LGI2: variants seen among roughly 807,000 people sequenced by gnomAD.
LGI2 encodes leucine rich repeat LGI family member 2.
LGI2 carries 30 observed loss-of-function variants against 52.0 expected under a neutral mutation model. The observed-to-expected ratio is 0.58, with a 90% CI of 0.43 to 0.78. The LOEUF (loss-of-function observed/expected upper bound fraction) is 0.78, where lower values mean the gene tolerates loss of function less well. Among genes scored for constraint, LGI2 ranks in the 30% least tolerant of loss-of-function variants. The probability of loss-of-function intolerance (pLI) is 0.00; values close to 1 mark genes in which losing one functional copy is unlikely to be tolerated. For synonymous variants in LGI2, 270 were observed against 271.8 expected (o/e 0.99, Z 0.06); for missense variants, 573 against 692.5 (o/e 0.83, Z 1.94).
Position 25,012,486 on chromosome 4 carries a change from A to G in LGI2, c.669T>C (p.His223=), listed in dbSNP as rs558001190. 2.7e-5 allele frequency: 44 copies of G among 1,613,786 alleles called. No individual in the cohort carries two copies. In the African/African-American group the frequency reaches 5.6e-4, roughly 21 times the overall value. ...AAACCGACTGGTAGGGTAAAGTCTGATGAACAACAAAATCTGGGGATGGGT... is the reference window on the plus strand; with the variant it reads ...AAACCGACTGGTAGGGTAAAGTCTGGTGAACAACAAAATCTGGGGATGGGT... ...YECTTTDFVV[H]QTLPYQSVSV... Residue 223 remains histidine (H), a synonymous_variant, in exon 7 of 8, where the codon CAT becomes CAC. Coordinates refer to ENST00000382114, the MANE Select transcript of LGI2 (RefSeq NM_018176.4).
intron 4 of LGI2, among the ~76,000 whole-genome samples, chr4:25,023,290 C>T (rs530551335): frequency 1.3e-5 from 2 of 152,140 alleles, no homozygotes; most frequent in Non-Finnish European, 2.9e-5. Context: ...CCTATCCAAG[C>T]CTATACGACT....
At chr4:24,997,246 A>G (rs1725107172), downstream of LGI2, among the ~76,000 whole-genome samples, 1 of 152,200 alleles carries the variant, frequency 6.6e-6, no homozygotes, top group South Asian at 2.1e-4. Flanking sequence ...TATGCCTCCA[A>G]TTCTTCTCAG....
Position 24,999,103 on chromosome 4 carries a change from C to G in LGI2, c.*4348G>C, listed in dbSNP as rs1289958581. 1.3e-5 allele frequency: 2 copies of G among 152,078 alleles called. No homozygotes were observed. The highest frequency in any genetic ancestry group is 2.9e-5 in the Non-Finnish European group (2 of 68,012). 9.4% of individuals were successfully genotyped at this position (152,078 alleles called of 1,614,324 possible). A position where few individuals can be genotyped will look rare whatever the true frequency, so the allele number is the denominator to read the frequency against. On this transcript the variant is annotated 3_prime_UTR_variant, in exon 8 of 8. Coordinates refer to ENST00000382114, the MANE Select transcript of LGI2 (RefSeq NM_018176.4). ...TATTTTATCACAATTCTTATACATT[C>G]CTGATAATCAAAGGGACTGATAGGG...
chr4:25,030,351 T>C (rs1204006145), intron 1 of LGI2, 146 bp downstream of exon 1: 4 of 834,150 alleles, frequency 4.8e-6, no homozygotes, highest in Admixed American at 5.5e-5. Context: ...GGGCCAACAC[T>C]CCACCCACGT....
At chr4:25,017,078 G>A (rs1485860464) in intron 6 of LGI2, among the ~76,000 whole-genome samples, 1 of 152,194 alleles carries the variant, frequency 6.6e-6, no homozygotes, top group African/African-American at 2.4e-5. Flanking sequence ...CTGAAAGTTT[G>A]TGGCAGGCCC....
At chr4:25,023,874 AC>A (rs1726057646) in intron 4 of LGI2, among the ~76,000 whole-genome samples, 1 of 152,240 alleles carries the variant, frequency 6.6e-6, no homozygotes, top group African/African-American at 2.4e-5. Flanking sequence ...TAAATTTTAT[AC>A]ATTTGCTAAG....
chr4:25,007,577 CAGTGTGT>C (rs1321887103), intron 7 of LGI2, among the ~76,000 whole-genome samples: 19 of 108,858 alleles, frequency 1.7e-4, no homozygotes, highest in African/African-American at 7.8e-4. Context: ...GCAGACAGAT[CAGTGTGT>C]GTGTGTGTGT....
Position 25,003,547 on chromosome 4 carries a change from T to C in LGI2, c.1542A>G (p.Thr514=). 1 of 1,614,114 alleles carries C rather than the reference T, an allele frequency of 6.2e-7. No individual in the cohort carries two copies. The highest frequency in any genetic ancestry group is 8.5e-7 in the Non-Finnish European group (1 of 1,179,988). ...AATCTCTCCTGTCGGTGGAGACAGC[T>C]GTGAATGAACGAGGCGCCTGCACGT... ...EIYVQAPRSF[T]AVSTDRRDFF... is the part of the protein sequence containing the mutation. Residue 514 remains threonine, a synonymous_variant, in exon 8 of 8, where the codon ACA becomes ACG. Transcript: ENST00000382114.
At chr4:24,997,866 G>A (rs566597645), downstream of LGI2, among the ~76,000 whole-genome samples, 1 of 150,956 alleles carries the variant, frequency 6.6e-6, no homozygotes, top group East Asian at 2.0e-4. Flanking sequence ...GTCACACGCT[G>A]TTTTGTGATG....
intron 6 of LGI2, 144 bp from the exon 7 acceptor site, chr4:25,012,643 C>G (rs997832620): frequency 1.3e-6 from 1 of 796,054 alleles, no homozygotes; most frequent in Non-Finnish European, 2.0e-6. Flanking sequence ...ACAAACATCA[C>G]AGCGTATTTT....
chr4:25,030,767 G>T lies in LGI2; in HGVS notation c.-74C>A. 2.3e-6 allele frequency: 2 copies of T among 876,938 alleles called. No individual in the cohort carries two copies. The highest frequency in any genetic ancestry group is 5.1e-5 in the South Asian group (1 of 19,566). The allele number at this position is 876,938 out of a possible 1,614,324, so 54.3% of individuals were successfully genotyped here. On this transcript the variant is annotated 5_prime_UTR_variant, in exon 1 of 8. It adds an upstream start codon to the 5' untranslated region. Coordinates refer to ENST00000382114, the MANE Select transcript of LGI2 (RefSeq NM_018176.4). ...CGCGCTCGGACCCGGCGCCGCTGCA[G>T]ACGCGGGCGCCGCTCGCTGCTCTGC...
chr4:25,002,695 A>G lies in LGI2; in HGVS notation c.*756T>C, dbSNP rs1725282974. On this transcript the variant is annotated 3_prime_UTR_variant, in exon 8 of 8. Coordinates refer to ENST00000382114, the MANE Select transcript of LGI2 (RefSeq NM_018176.4). ...GATGAGCCATGAAGAGCATCAAACA[A>G]GCATTACTGCTCTGGCCACCACCAG... The G allele has an allele frequency of 6.5e-6, 1 of 152,796 alleles. No individual in the cohort carries two copies. Among genetic ancestry groups the G allele is most frequent in the Non-Finnish European group, 1.5e-5 (1 of 68,058 alleles). 9.5% of individuals were successfully genotyped at this position (152,796 alleles called of 1,614,324 possible).
At chr4:25,009,226 G>A (rs985953244) in intron 7 of LGI2, among the ~76,000 whole-genome samples, 1 of 152,156 alleles carries the variant, frequency 6.6e-6, no homozygotes, top group African/African-American at 2.4e-5. Flanking sequence ...CTCATCAACT[G>A]CAACTCCCCG....
chr4:24,992,828 C>T, the LGI2 span, among the ~76,000 whole-genome samples: 2 of 152,186 alleles, frequency 1.3e-5, no homozygotes, highest in African/African-American at 2.4e-5. Context: ...TCCACATGCT[C>T]TCCTTGAAAT....
chr4:25,020,950 G>A (rs751460352), intron 4 of LGI2, among the ~76,000 whole-genome samples: 1 of 152,066 alleles, frequency 6.6e-6, no homozygotes, highest in Non-Finnish European at 1.5e-5. Flanking sequence ...TTTTAAAAGG[G>A]GGGTGTTCAT....
chr4:25,008,052 C>G (rs542988203), intron 7 of LGI2, among the ~76,000 whole-genome samples: 8 of 152,320 alleles, frequency 5.3e-5, no homozygotes, highest in Admixed American at 2.6e-4. Context: ...AGGCTCAATG[C>G]CAGCAACCGA....
chr4:25,003,720 G>C lies in LGI2; in HGVS notation c.1369C>G (p.Gln457Glu). The C allele has an allele frequency of 1.9e-6, 3 of 1,614,144 alleles. 1 individual carries two copies. The South Asian group carries it at 3.3e-5, about 18-fold the overall frequency. The change falls in exon 8 of 8, where the codon CAA becomes GAA. Residue 457 changes from glutamine (Q) to glutamate (E), a missense_variant. Gln to Glu is a conservative substitution (Grantham distance 29). Transcript: ENST00000382114. ...RWNSKQFVEI[Q>E]ALPSRGAMTL... ...ATGGCCCCCCGGGATGGAAGAGCTTGGATCTCCACAAACTGCTTACTGTTC... is the reference window on the plus strand; with the variant it reads ...ATGGCCCCCCGGGATGGAAGAGCTTCGATCTCCACAAACTGCTTACTGTTC...
chr4:25,013,755 A>G (rs183387036), intron 6 of LGI2, among the ~76,000 whole-genome samples: 58 of 152,376 alleles, frequency 3.8e-4, no homozygotes, highest in Admixed American at 9.1e-4. Flanking sequence ...CAACAATGAT[A>G]GTATTCAGTT....
chr4:25,030,851 G>A lies in LGI2; in HGVS notation c.-158C>T, dbSNP rs903480695. On this transcript the variant is annotated 5_prime_UTR_variant, in exon 1 of 8. Coordinates refer to ENST00000382114, the MANE Select transcript of LGI2 (RefSeq NM_018176.4). The stretch of plus-strand genomic sequence containing the variant: ...GGGTGTGGGAGGCCGAGCCGCAGCC[G>A]AGCAGCATGCTGGCCGCCACCCCCA... The A allele has an allele frequency of 4.2e-5, 10 of 240,148 alleles. No individual in the cohort carries two copies. Among genetic ancestry groups the A allele is most frequent in the East Asian group, 1.7e-4 (1 of 5,882 alleles). 14.9% of individuals were successfully genotyped at this position (240,148 alleles called of 1,614,324 possible).
Sources: gnomAD v4.1 joint callset for allele counts (sites outside exome capture counted in the v4.1 genomes callset) on GRCh38, gnomAD v4.1.1 for gene constraint, MANE v1.5 for transcripts, NCBI Gene and HGNC (gene_info 2026-07-23, HGNC 2026-07-21) for gene names.